The following MLLT10 variants were observed in gnomAD, a reference collection of about 807,000 sequenced individuals.
MLLT10 encodes protein AF-10.
MLLT10 carries 30 observed loss-of-function variants against 129.1 expected under a neutral mutation model. The observed-to-expected ratio is 0.23, with a 90% CI of 0.17 to 0.32. The LOEUF is 0.32. Ranked by LOEUF, MLLT10 falls within the 10% of genes least tolerant of loss-of-function variation. The pLI, the probability that MLLT10 is intolerant of heterozygous loss-of-function variation, is 1.00. For missense variants in MLLT10, 1,119 were observed against 1,268.3 expected (o/e 0.88, Z 1.79); for synonymous variants, 490 against 446.4 (o/e 1.10, Z -1.23).
chr10:21,620,039 C>T (rs1226475857), intron 8 of MLLT10, among the ~76,000 whole-genome samples: 1 of 151,410 alleles, frequency 6.6e-6, no homozygotes, highest in African/African-American at 2.4e-5. Flanking sequence ...AAGCGATTCT[C>T]CTGCCTCAGC....
intron 5 of MLLT10, among the ~76,000 whole-genome samples, chr10:21,604,465 C>T (rs2043861037): frequency 6.6e-6 from 1 of 152,096 alleles, no homozygotes; most frequent in Non-Finnish European, 1.5e-5. Context: ...TGGCACACAC[C>T]TGTAGTCCCA....
intron 3 of MLLT10, among the ~76,000 whole-genome samples, chr10:21,548,249 C>G (rs1043307089): frequency 2.6e-5 from 4 of 152,012 alleles, no homozygotes; most frequent in Admixed American, 2.6e-4. Flanking sequence ...TTATTTTCTA[C>G]TCTGTCTCTT....
chr10:21,717,432 C>T (rs2056667903), intron 14 of MLLT10, among the ~76,000 whole-genome samples: 1 of 149,718 alleles, frequency 6.7e-6, no homozygotes, highest in Non-Finnish European at 1.5e-5. Context: ...TAGCAGCATA[C>T]ATTTTGGGGA....
intron 16 of MLLT10, 63 bp downstream of exon 16, chr10:21,727,991 T>C: frequency 7.4e-7 from 1 of 1,342,900 alleles, no homozygotes; most frequent in Non-Finnish European, 1.1e-6. Context: ...GAAACTTTCT[T>C]ATCTCATATC....
chr10:21,605,711 C>T (rs1255344557), intron 5 of MLLT10, among the ~76,000 whole-genome samples: 1 of 152,168 alleles, frequency 6.6e-6, no homozygotes, highest in Non-Finnish European at 1.5e-5. Flanking sequence ...CTGGGAACTA[C>T]AGGTGTTTGG....
At chr10:21,610,200 G>T (rs998850058) in intron 5 of MLLT10, among the ~76,000 whole-genome samples, 1 of 152,162 alleles carries the variant, frequency 6.6e-6, no homozygotes, top group Non-Finnish European at 1.5e-5. Flanking sequence ...TCTACTAAAA[G>T]CTGGGGCAGG....
rs2041938287 is a variant in MLLT10, at chr10:21,585,884, C to T, written c.241-410C>T. ...TCAAGCAATTCTCCTGCCTCAGCCT[C>T]CCCAGTAGCTGGGATTACAGGCATG... On this transcript the variant is annotated intron_variant, in intron 3 of 22. Transcript: ENST00000307729. Among the ~76,000 whole-genome samples the T allele has an allele frequency of 6.6e-5, 10 of 152,268 alleles. No homozygotes were observed. The South Asian group carries it at 2.1e-3, about 32-fold the overall frequency.
intron 9 of MLLT10, among the ~76,000 whole-genome samples, chr10:21,655,651 G>C (rs1023615815): frequency 1.3e-5 from 2 of 152,136 alleles, no homozygotes; most frequent in East Asian, 3.8e-4. Context: ...CCTAATGGTT[G>C]CTAATGTCTG....
At position 21,673,380 on chromosome 10, in the gene MLLT10, A is replaced by C; in HGVS notation, c.1082A>C (p.Lys361Thr). The change falls in exon 11 of 23, where the codon AAG becomes ACG. Residue 361 changes from lysine to threonine, a missense_variant. Lys to Thr is a moderately conservative substitution (Grantham distance 78). Transcript: ENST00000307729. ...TTTTCAGGAACTCCAGGCAGTGTAA[A>C]GTCATCTTCTGGAAGTTCAGTGCAG... is the stretch of plus-strand genomic sequence containing the variant. Reference protein sequence around the residue: ...GSFSGTPGSVKSSSGSSVQSP... With the variant: ...GSFSGTPGSVTSSSGSSVQSP... The C allele has an allele frequency of 6.6e-7, 1 of 1,518,326 alleles. No individual in the cohort carries two copies. The highest frequency in any genetic ancestry group is 8.8e-7 in the Non-Finnish European group (1 of 1,138,474). 94.1% of individuals were successfully genotyped at this position (1,518,326 alleles called of 1,614,324 possible). A position where few individuals can be genotyped will look rare whatever the true frequency, so the allele number is the denominator to read the frequency against.
intron 3 of MLLT10, among the ~76,000 whole-genome samples, chr10:21,547,184 T>C (rs2036222894): frequency 6.6e-6 from 1 of 151,878 alleles, no homozygotes. Flanking sequence ...CATTCTTTTA[T>C]TTTTTTTAAT....
At chr10:21,613,341 G>A (rs565103578) in intron 6 of MLLT10, among the ~76,000 whole-genome samples, 1 of 152,044 alleles carries the variant, frequency 6.6e-6, no homozygotes, top group African/African-American at 2.4e-5. Flanking sequence ...TTAAGAATCA[G>A]TCTATGCTTC....
At position 21,573,952 on chromosome 10, in the gene MLLT10, G is replaced by T. The variant is rs182846124; in HGVS notation, c.241-12342G>T. Among the ~76,000 whole-genome samples the T allele has an allele frequency of 1.1e-3, 175 of 152,234 alleles. 1 individual carries two copies. The highest frequency in any genetic ancestry group is 2.0e-3 in the Admixed American group (31 of 15,284). On this transcript the variant is annotated intron_variant, in intron 3 of 22. Transcript: ENST00000307729. ...GGAGGGATTTTGTTGTAATCTTGTTGCTTTTTGTCAAGTGCTGGTATTTTT... is the reference window on the plus strand; with the variant it reads ...GGAGGGATTTTGTTGTAATCTTGTTTCTTTTTGTCAAGTGCTGGTATTTTT...
intron 5 of MLLT10, among the ~76,000 whole-genome samples, chr10:21,606,830 A>G (rs1362305124): frequency 6.6e-6 from 1 of 152,252 alleles, no homozygotes; most frequent in African/African-American, 2.4e-5. Context: ...TGCTTAGTTG[A>G]TAAAGTGGCA....
intron 8 of MLLT10, among the ~76,000 whole-genome samples, chr10:21,645,242 A>G (rs192244469): frequency 1.4e-4 from 22 of 152,246 alleles, no homozygotes; most frequent in South Asian, 4.1e-4. Flanking sequence ...TGTTTAATGC[A>G]TGAATATCTG....
intron 8 of MLLT10, chr10:21,624,666 C>T (rs1297670537): frequency 4.8e-6 from 7 of 1,449,348 alleles, no homozygotes; most frequent in East Asian, 2.3e-5. Flanking sequence ...CCAGAATAGT[C>T]ACCACCTTGC....
intron 8 of MLLT10, 65 bp from the exon 9 acceptor site, chr10:21,651,608 A>G (rs1589437276): frequency 9.4e-7 from 1 of 1,064,360 alleles, no homozygotes; most frequent in East Asian, 2.5e-5. Context: ...TTATAAAAAA[A>G]TCTCTGTTGC....
chr10:21,612,496 C>T, intron 6 of MLLT10, 45 bp downstream of exon 6: 1 of 1,190,750 alleles, frequency 8.4e-7, no homozygotes, highest in Non-Finnish European at 1.2e-6. Flanking sequence ...TTGGTAAATA[C>T]CTTGTGTAAC....
intron 4 of MLLT10, among the ~76,000 whole-genome samples, chr10:21,590,607 A>G (rs1373371720): frequency 6.6e-6 from 1 of 152,080 alleles, no homozygotes; most frequent in African/African-American, 2.4e-5. Context: ...CCAGAGTGCT[A>G]GGATTACAGG....
At chr10:21,672,386 C>T (rs1408784625) in intron 10 of MLLT10, among the ~76,000 whole-genome samples, 1 of 152,000 alleles carries the variant, frequency 6.6e-6, no homozygotes, top group African/African-American at 2.4e-5. Context: ...CGTCACCATG[C>T]CCAGCTCATT....
Sources: allele counts gnomAD v4.1 joint callset (sites outside exome capture counted in the v4.1 genomes callset), GRCh38; gene constraint gnomAD v4.1.1; transcripts MANE v1.5; gene names NCBI Gene and HGNC (gene_info 2026-07-23, HGNC 2026-07-21).